ZNRF2: variants seen among roughly 807,000 people sequenced by gnomAD.
The protein encoded by ZNRF2 is E3 ubiquitin-protein ligase ZNRF2.
ZNRF2 carries 16 observed loss-of-function variants against 20.4 expected under a neutral mutation model. That is an observed-to-expected ratio of 0.79 (90% CI 0.53 to 1.19). The LOEUF (loss-of-function observed/expected upper bound fraction) is 1.19, where lower values mean the gene tolerates loss of function less well. Among genes scored for constraint, ZNRF2 ranks in the 50% most tolerant of loss-of-function variants. The pLI is 0.00. For synonymous variants in ZNRF2, 178 were observed against 144.9 expected (o/e 1.23, Z -1.64); for missense variants, 363 against 332.4 (o/e 1.09, Z -0.72).
intron 1 of ZNRF2, among the ~76,000 whole-genome samples, chr7:30,321,916 C>T (rs1462939044): frequency 1.3e-5 from 2 of 150,824 alleles, no homozygotes; most frequent in African/African-American, 2.4e-5. Context: ...TTTTGGCTTC[C>T]TTGGGCCACA....
At chr7:30,360,782 C>G (rs1800115253) in intron 3 of ZNRF2, among the ~76,000 whole-genome samples, 1 of 152,160 alleles carries the variant, frequency 6.6e-6, no homozygotes, top group Non-Finnish European at 1.5e-5. Flanking sequence ...TTACAAAAAG[C>G]ATAATGCTGT....
chr7:30,301,092 C>T (rs190481556), intron 1 of ZNRF2, among the ~76,000 whole-genome samples: 1 of 152,196 alleles, frequency 6.6e-6, no homozygotes, highest in African/African-American at 2.4e-5. Flanking sequence ...GCTCTTACAG[C>T]CTTTCTTATC....
intron 2 of ZNRF2, among the ~76,000 whole-genome samples, chr7:30,339,245 T>C (rs1301226038): frequency 6.6e-6 from 1 of 152,218 alleles, no homozygotes; most frequent in Non-Finnish European, 1.5e-5. Flanking sequence ...ATAGTTTCTT[T>C]TGCTGTGCAG....
intron 2 of ZNRF2, among the ~76,000 whole-genome samples, chr7:30,342,115 G>A (rs375905902): frequency 6.2e-5 from 9 of 144,692 alleles, no homozygotes; most frequent in Non-Finnish European, 1.2e-4. Context: ...TTGAGCCTAT[G>A]TGTGTCTTTG....
intron 2 of ZNRF2, among the ~76,000 whole-genome samples, chr7:30,346,156 T>C (rs1387564765): frequency 6.7e-6 from 1 of 149,894 alleles, no homozygotes; most frequent in African/African-American, 2.4e-5. Flanking sequence ...GTTTTTTTTT[T>C]TCTGTTAAGT....
intron 2 of ZNRF2, among the ~76,000 whole-genome samples, chr7:30,338,600 T>G (rs890281503): frequency 1.3e-5 from 2 of 152,172 alleles, no homozygotes; most frequent in African/African-American, 2.4e-5. Context: ...GCAAAGGACA[T>G]GAAGTCATCC....
intron 1 of ZNRF2, among the ~76,000 whole-genome samples, chr7:30,313,683 T>C (rs892409316): frequency 1.3e-5 from 2 of 152,030 alleles, no homozygotes; most frequent in African/African-American, 4.8e-5. Context: ...ATGGACTAAG[T>C]TACCGTTGGC....
chr7:30,303,194 G>A (rs1317981063), intron 1 of ZNRF2, among the ~76,000 whole-genome samples: 1 of 150,188 alleles, frequency 6.7e-6, no homozygotes, highest in Non-Finnish European at 1.5e-5. Context: ...GAGGTGGGAG[G>A]ATCACTCAAC....
At chr7:30,309,017 G>T (rs1429416738) in intron 1 of ZNRF2, among the ~76,000 whole-genome samples, 1 of 151,930 alleles carries the variant, frequency 6.6e-6, no homozygotes, top group African/African-American at 2.4e-5. Context: ...TTAAAGACAG[G>T]TCCTAAATAT....
chr7:30,367,466 A>G lies in ZNRF2; in HGVS notation c.*1454A>G, dbSNP rs1194271662. The G allele has an allele frequency of 2.0e-5, 3 of 152,298 alleles. No individual in the cohort carries two copies. The highest frequency in any genetic ancestry group is 2.9e-5 in the Non-Finnish European group (2 of 67,904). The allele number at this position is 152,298 out of a possible 1,614,324, so 9.4% of individuals were successfully genotyped here. A position where few individuals can be genotyped will look rare whatever the true frequency, so the allele number is the denominator to read the frequency against. On this transcript the variant is annotated 3_prime_UTR_variant, in exon 5 of 5. Transcript: ENST00000323037. ...TTTACTTGGTATAATTTAAAGTTGC[A>G]CAGTAAGTACTGTTTCCTTATTTTA...
intron 2 of ZNRF2, among the ~76,000 whole-genome samples, chr7:30,329,009 C>T (rs774626640): frequency 2.0e-5 from 3 of 152,048 alleles, no homozygotes; most frequent in Non-Finnish European, 4.4e-5. Flanking sequence ...AGTTTATGGA[C>T]CTAATAATTC....
chr7:30,288,528 C>T (rs531140569), intron 1 of ZNRF2, among the ~76,000 whole-genome samples: 5 of 152,288 alleles, frequency 3.3e-5, no homozygotes, highest in African/African-American at 7.2e-5. Context: ...TGAATTGCCA[C>T]ATTGAACGAG....
chr7:30,318,563 C>T (rs922600499), intron 1 of ZNRF2, among the ~76,000 whole-genome samples: 5 of 152,086 alleles, frequency 3.3e-5, no homozygotes, highest in Non-Finnish European at 7.4e-5. Flanking sequence ...TTTTTCCTGC[C>T]AATTGGTGTA....
Position 30,323,014 on chromosome 7 carries a change from C to T in ZNRF2, c.470-628C>T, listed in dbSNP as rs145759409. ...AGGAAACTAGCTAATTTTTAAGTGTCAAAAATTGACTGCAAAAACCTGTAC... is the reference window on the plus strand; with the variant it reads ...AGGAAACTAGCTAATTTTTAAGTGTTAAAAATTGACTGCAAAAACCTGTAC... On this transcript the variant is annotated intron_variant, in intron 1 of 4. Transcript: ENST00000323037. 2.1e-3 allele frequency among the ~76,000 whole-genome samples: 315 copies of T among 152,256 alleles called. 2 individuals carry two copies. The highest frequency in any genetic ancestry group is 7.2e-3 in the African/African-American group (301 of 41,566).
intron 1 of ZNRF2, among the ~76,000 whole-genome samples, chr7:30,312,573 C>G (rs976439294): frequency 6.6e-6 from 1 of 152,152 alleles, no homozygotes; most frequent in East Asian, 1.9e-4. Context: ...TATATTTGTT[C>G]ATTCACCCAA....
At chr7:30,299,464 C>T (rs553863531) in intron 1 of ZNRF2, among the ~76,000 whole-genome samples, 138 of 151,362 alleles carry the variant, frequency 9.1e-4, no homozygotes, top group African/African-American at 3.2e-3. Flanking sequence ...GTGAAAGTCA[C>T]TTTCAGTCCT....
intron 1 of ZNRF2, among the ~76,000 whole-genome samples, chr7:30,315,068 A>C (rs940810317): frequency 6.6e-6 from 1 of 152,052 alleles, no homozygotes; most frequent in Non-Finnish European, 1.5e-5. Context: ...TGCCCACCTC[A>C]GCCTCCCAAA....
At chr7:30,290,044 A>G (rs1303930004) in intron 1 of ZNRF2, among the ~76,000 whole-genome samples, 2 of 152,204 alleles carry the variant, frequency 1.3e-5, no homozygotes, top group Non-Finnish European at 2.9e-5. Flanking sequence ...TACATGTAGT[A>G]TTATGTATAA....
chr7:30,346,803 T>C (rs1162677809), intron 2 of ZNRF2, among the ~76,000 whole-genome samples: 1 of 152,072 alleles, frequency 6.6e-6, no homozygotes, highest in Non-Finnish European at 1.5e-5. Context: ...TTGATTGTTT[T>C]TTGTTTGTTC....
Sources: allele counts gnomAD v4.1 joint callset (sites outside exome capture counted in the v4.1 genomes callset), GRCh38; gene constraint gnomAD v4.1.1; transcripts MANE v1.5; gene names NCBI Gene and HGNC (gene_info 2026-07-23, HGNC 2026-07-21).